TNS1: variants seen among roughly 807,000 people sequenced by gnomAD.
TNS1 encodes tensin-1.
Under a neutral mutation model 168.6 loss-of-function variants are expected in TNS1, and 62 were observed. That is an observed-to-expected ratio of 0.37 (90% CI 0.30 to 0.45). TNS1 has a LOEUF of 0.45. Ranked by LOEUF, TNS1 falls within the 20% of genes least tolerant of loss-of-function variation. The pLI is 1.00. For missense variants in TNS1, 2,240 were observed against 2,339.4 expected (o/e 0.96, Z 0.88); for synonymous variants, 934 against 933.2 (o/e 1.00, Z -0.02).
At chr2:217,906,973 C>A (rs1953781953) in intron 5 of TNS1, among the ~76,000 whole-genome samples, 2 of 152,242 alleles carry the variant, frequency 1.3e-5, no homozygotes, top group Non-Finnish European at 2.9e-5. Context: ...CTGCCCCTCC[C>A]TCTCTGCCTG....
At chr2:217,841,307 G>T (rs1455025982) in intron 19 of TNS1, 2 of 984,224 alleles carry the variant, frequency 2.0e-6, no homozygotes, top group African/African-American at 1.8e-5. Context: ...CCACCCCAGG[G>T]GAGCCAGCAG....
At chr2:217,822,466 G>T (rs2125203619) in intron 22 of TNS1, among the ~76,000 whole-genome samples, 1 of 152,162 alleles carries the variant, frequency 6.6e-6, no homozygotes, top group East Asian at 1.9e-4. Flanking sequence ...TGCCCTGTGG[G>T]GCTGCTGTAG....
At position 217,947,519 on chromosome 2, in the gene TNS1, A is replaced by G. The variant is rs534499348; in HGVS notation, c.187-27283T>C. Among the ~76,000 whole-genome samples the G allele has an allele frequency of 2.6e-5, 4 of 152,244 alleles. No homozygotes were observed. The East Asian group carries it at 7.7e-4, about 29-fold the overall frequency. On this transcript the variant is annotated intron_variant, in intron 3 of 32. Transcript: ENST00000682258. ...AGAAACAGAGACCCAGAAGGAGGAA[A>G]GAGATGGAGCTGGGGGTGGCGGGAC...
At chr2:217,961,147 T>C (rs1957485349) in intron 3 of TNS1, among the ~76,000 whole-genome samples, 2 of 151,928 alleles carry the variant, frequency 1.3e-5, no homozygotes, top group African/African-American at 4.8e-5. Context: ...GGGAGCTCTG[T>C]CCAGTTAGGG....
chr2:217,956,591 T>C (rs951541327), intron 3 of TNS1, among the ~76,000 whole-genome samples: 1 of 152,142 alleles, frequency 6.6e-6, no homozygotes, highest in African/African-American at 2.4e-5. Context: ...TTTCTCCCCC[T>C]GTAACCTGAC....
At chr2:217,998,514 T>A (rs1958508664) in intron 1 of TNS1, among the ~76,000 whole-genome samples, 1 of 152,098 alleles carries the variant, frequency 6.6e-6, no homozygotes, top group Non-Finnish European at 1.5e-5. Flanking sequence ...GGGCCTTTCC[T>A]CCATGGCCCT....
intron 3 of TNS1, among the ~76,000 whole-genome samples, chr2:217,958,400 C>G (rs1030424118): frequency 1.3e-5 from 2 of 152,222 alleles, no homozygotes; most frequent in African/African-American, 4.8e-5. Context: ...CGTCTGCATC[C>G]TGAGCATGCA....
At chr2:217,911,700 C>T (rs753973041) in intron 4 of TNS1, among the ~76,000 whole-genome samples, 2 of 152,196 alleles carry the variant, frequency 1.3e-5, no homozygotes, top group Non-Finnish European at 2.9e-5. Flanking sequence ...GTGACTCACC[C>T]AAGGTTCCAC....
chr2:217,985,378 G>C (rs1483466885), intron 2 of TNS1: 1 of 152,058 alleles, frequency 6.6e-6, no homozygotes, highest in Admixed American at 6.6e-5. Context: ...CCTGATGAGG[G>C]AGGTACTGCT....
At chr2:217,984,741 C>T (rs1388358097) in intron 2 of TNS1, among the ~76,000 whole-genome samples, 1 of 150,250 alleles carries the variant, frequency 6.7e-6, no homozygotes, top group Non-Finnish European at 1.5e-5. Flanking sequence ...GGTCCTCCCA[C>T]CTCAGCCTCT....
At chr2:217,859,421 A>C in intron 18 of TNS1, 1 of 521,426 alleles carries the variant, frequency 1.9e-6, no homozygotes, top group Admixed American at 3.2e-5. Context: ...TTGGCTTGGA[A>C]AAGGAAAAAG....
intron 18 of TNS1, among the ~76,000 whole-genome samples, chr2:217,873,667 AGGAAG>A (rs1949968714): frequency 1.3e-5 from 2 of 152,158 alleles, no homozygotes; most frequent in Non-Finnish European, 2.9e-5. Context: ...GACTGGGCTG[AGGAAG>A]GGGGTCCTGA....
At chr2:217,962,580 T>C (rs1289360866) in intron 3 of TNS1, among the ~76,000 whole-genome samples, 13 of 152,160 alleles carry the variant, frequency 8.5e-5, no homozygotes. Flanking sequence ...TGTCAGGGTG[T>C]CCATACTGAC....
chr2:217,855,118 A>T (rs1947968782), intron 18 of TNS1, among the ~76,000 whole-genome samples: 1 of 152,086 alleles, frequency 6.6e-6, no homozygotes, highest in South Asian at 2.1e-4. Flanking sequence ...AACAGCTCTC[A>T]TCACCCACAG....
chr2:217,859,217 G>C (rs1948551320), intron 18 of TNS1: 1 of 171,956 alleles, frequency 5.8e-6, no homozygotes, highest in Admixed American at 6.1e-5. Context: ...GAGAGGGAGG[G>C]GAGAGAGGTC....
rs150249191 is a variant in TNS1, at chr2:217,946,937, G to GCTCT, written c.187-26705_187-26702dup. 1.4e-3 allele frequency among the ~76,000 whole-genome samples: 182 copies of GCTCT among 130,868 alleles called. 2 individuals carry two copies. In the Middle Eastern group the frequency reaches 0.016, roughly 11 times the overall value. 85.9% of individuals were successfully genotyped at this position (130,868 alleles called of 152,430 possible). A position where few individuals can be genotyped will look rare whatever the true frequency, so the allele number is the denominator to read the frequency against. ...TCTCCCCAGTGTCATTTCCACCATCGCTCTCTCTCTCTCTCTCTCTCTCTC... is the reference window on the plus strand; with the variant it reads ...TCTCCCCAGTGTCATTTCCACCATCGCTCTCTCTCTCTCTCTCTCTCTCTCTCTC... On this transcript the variant is annotated intron_variant, in intron 3 of 32. Coordinates refer to ENST00000682258, the MANE Select transcript of TNS1 (RefSeq NM_001387777.1).
chr2:217,820,724 C>T (rs566189650), intron 23 of TNS1, among the ~76,000 whole-genome samples: 85 of 152,266 alleles, frequency 5.6e-4, no homozygotes, highest in African/African-American at 1.7e-3. Flanking sequence ...ACCCTCCTTT[C>T]CTATGCCGTC....
intron 1 of TNS1, among the ~76,000 whole-genome samples, chr2:218,026,960 T>C (rs4674236): frequency 0.9 from 137,349 of 152,290 alleles, 62,172 homozygotes; most frequent in African/African-American, 0.98. Flanking sequence ...ACTGGCCTGG[T>C]GGGCTCAAGT....
At position 217,919,403 on chromosome 2, in the gene TNS1, G is replaced by A. The variant is rs563808410; in HGVS notation, c.228+792C>T. ...CAGCCTGATCCGATTGTGCCCGCAA[G>A]GTGTCCTTCCGGGACACACCCACAC... is the stretch of plus-strand genomic sequence containing the variant. On this transcript the variant is annotated intron_variant, in intron 4 of 32. Transcript: ENST00000682258. Among the ~76,000 whole-genome samples, 3 of 152,346 alleles carry A rather than the reference G, an allele frequency of 2.0e-5. No individual in the cohort carries two copies. The South Asian group carries it at 6.2e-4, about 32-fold the overall frequency.
Sources: gnomAD v4.1 joint callset for allele counts (sites outside exome capture counted in the v4.1 genomes callset) on GRCh38, gnomAD v4.1.1 for gene constraint, MANE v1.5 for transcripts, NCBI Gene and HGNC (gene_info 2026-07-23, HGNC 2026-07-21) for gene names.